HUNK: variants seen among roughly 807,000 people sequenced by gnomAD.
The protein encoded by HUNK is hormonally up-regulated Neu-associated kinase.
Under a neutral mutation model 61.0 loss-of-function variants are expected in HUNK, and 21 were observed. The ratio of observed to expected loss-of-function variants is 0.34; its 90% CI spans 0.24 to 0.50. The LOEUF is 0.50. Ranked by LOEUF, HUNK falls within the 20% of genes least tolerant of loss-of-function variation. The pLI is 0.98. For missense variants in HUNK, 772 were observed against 945.7 expected, an observed-to-expected ratio of 0.82 and a Z score of 2.41; for synonymous variants, 371 against 386.1, an observed-to-expected ratio of 0.96 and a Z score of 0.46.
chr21:31,920,884 G>T lies in HUNK; in HGVS notation c.262-3584G>T, dbSNP rs148090635. ...ATGAGACTCTGGGCTGGGCACGGTG[G>T]CTCATTCCTATAATCCCCGCACTTG... On this transcript the variant is annotated intron_variant, in intron 1 of 10. Coordinates refer to ENST00000270112, the MANE Select transcript of HUNK (RefSeq NM_014586.2). Among the ~76,000 whole-genome samples, 417 of 152,278 alleles carry T rather than the reference G, an allele frequency of 2.7e-3. 5 individuals carry two copies. The highest frequency in any genetic ancestry group is 9.5e-3 in the African/African-American group (394 of 41,562).
At chr21:31,983,260 G>A (rs755072942) in intron 7 of HUNK, among the ~76,000 whole-genome samples, 40 of 152,150 alleles carry the variant, frequency 2.6e-4, no homozygotes, top group Non-Finnish European at 5.0e-4. Flanking sequence ...CCTGCAGGGG[G>A]CAGTGATCTA....
At chr21:31,884,936 C>A (rs1487296441) in intron 1 of HUNK, among the ~76,000 whole-genome samples, 1 of 152,026 alleles carries the variant, frequency 6.6e-6, no homozygotes, top group Non-Finnish European at 1.5e-5. Context: ...TGCCACCACA[C>A]CCGGCTAATT....
intron 5 of HUNK, among the ~76,000 whole-genome samples, chr21:31,965,597 T>TC (rs971300040): frequency 1.5e-4 from 22 of 143,794 alleles, no homozygotes; most frequent in African/African-American, 1.9e-4. Context: ...TGTTTTTCTT[T>TC]TTTTTTTTTT....
chr21:31,918,129 TC>T (rs1310006891), intron 1 of HUNK, among the ~76,000 whole-genome samples: 1 of 152,334 alleles, frequency 6.6e-6, no homozygotes, highest in East Asian at 1.9e-4. Flanking sequence ...TCATTTTTTT[TC>T]CCCATTTCAG....
At chr21:31,926,517 A>T (rs189813877) in intron 2 of HUNK, among the ~76,000 whole-genome samples, 1 of 152,154 alleles carries the variant, frequency 6.6e-6, no homozygotes, top group African/African-American at 2.4e-5. Context: ...CTCTTCCCCC[A>T]GCCCTGGCAA....
chr21:31,976,459 C>CTTTTTTTTTTT (rs34950116), intron 7 of HUNK, among the ~76,000 whole-genome samples: 5 of 63,610 alleles, frequency 7.9e-5, no homozygotes, highest in African/African-American at 1.3e-4. Flanking sequence ...TTTTTTGAGA[C>CTTTTTTTTTTT]TTTTTTTTTT....
At chr21:31,951,024 C>T (rs960593305) in intron 4 of HUNK, among the ~76,000 whole-genome samples, 5 of 151,894 alleles carry the variant, frequency 3.3e-5, no homozygotes, top group Non-Finnish European at 7.4e-5. Flanking sequence ...CAGGACCCTC[C>T]GCTAGTGAAG....
At chr21:31,959,663 C>T (rs2123841675) in intron 5 of HUNK, among the ~76,000 whole-genome samples, 2 of 152,276 alleles carry the variant, frequency 1.3e-5, no homozygotes, top group Middle Eastern at 6.8e-3. Context: ...TTAATTGGCT[C>T]CTTAGAATAA....
chr21:31,920,950 G>C (rs1485771377), intron 1 of HUNK, among the ~76,000 whole-genome samples: 1 of 152,114 alleles, frequency 6.6e-6, no homozygotes, highest in East Asian at 1.9e-4. Flanking sequence ...CCAGGAGTTT[G>C]AGACTAGCCT....
chr21:31,875,953 G>A (rs1473659254), intron 1 of HUNK, among the ~76,000 whole-genome samples: 1 of 152,182 alleles, frequency 6.6e-6, no homozygotes, highest in Non-Finnish European at 1.5e-5. Flanking sequence ...ACTGCCTGGG[G>A]GTGGATTCAG....
intron 4 of HUNK, among the ~76,000 whole-genome samples, chr21:31,949,575 G>GCACACA (rs148673553): frequency 0.035 from 5,296 of 150,582 alleles, 309 homozygotes; most frequent in African/African-American, 0.12. Flanking sequence ...AAGAATTTGT[G>GCACACA]CACACACACA....
chr21:31,873,559 AGGCGGGGCTGGGCCCAG>A lies in HUNK; in HGVS notation c.-110_-94del. ...CCCCGGGCTCTGGGTGCGGAGACCC[AGGCGGGGCTGGGCCCAG>A]GGCGGCGGCGGGAGAAGCCGGGGAA... On this transcript the variant is annotated 5_prime_UTR_variant, in exon 1 of 11. Coordinates refer to ENST00000270112, the MANE Select transcript of HUNK (RefSeq NM_014586.2). This position sits in a 1 kb window ranked among gnomAD's most constrained non-coding sequence, Gnocchi z 6.1. The A allele has an allele frequency of 1.2e-6, 1 of 828,472 alleles. No homozygotes were observed. The highest frequency in any genetic ancestry group is 1.5e-6 in the Non-Finnish European group (1 of 686,888). The allele number at this position is 828,472 out of a possible 1,614,324, so 51.3% of individuals were successfully genotyped here. A position where few individuals can be genotyped will look rare whatever the true frequency, so the allele number is the denominator to read the frequency against.
chr21:31,895,359 A>C (rs1471029313), intron 1 of HUNK, among the ~76,000 whole-genome samples: 2 of 152,174 alleles, frequency 1.3e-5, no homozygotes, highest in African/African-American at 4.8e-5. Flanking sequence ...CCAGTCTGCA[A>C]ATTCGAAGAG....
chr21:31,956,664 C>T (rs1272323140), intron 4 of HUNK, among the ~76,000 whole-genome samples: 1 of 152,184 alleles, frequency 6.6e-6, no homozygotes, highest in Non-Finnish European at 1.5e-5. Flanking sequence ...CCACCTGGCA[C>T]GTGCCCTTCA....
In HUNK at chr21:31,873,127, T is replaced by A. The variant is rs1220959182; in HGVS notation, c.-548T>A. ...ATTCAAACTGAATGGGGCTTTCTTC[T>A]GCTGCCTTCCAGAGGGCGCCGGCAG... On this transcript the variant is annotated 5_prime_UTR_variant, in exon 1 of 11. Transcript: ENST00000270112. This position sits in a 1 kb window ranked among gnomAD's most constrained non-coding sequence, Gnocchi z 6.1. 6.6e-6 allele frequency among the ~76,000 whole-genome samples: 1 copy of A among 152,132 alleles called. No individual in the cohort carries two copies. Among genetic ancestry groups the A allele is most frequent in the Admixed American group, 6.5e-5 (1 of 15,282 alleles).
intron 3 of HUNK, among the ~76,000 whole-genome samples, chr21:31,940,597 T>C (rs1840853246): frequency 1.3e-5 from 2 of 152,232 alleles, no homozygotes; most frequent in Admixed American, 1.3e-4. Flanking sequence ...GCAATTGACC[T>C]TCTCTTTTTA....
intron 4 of HUNK, among the ~76,000 whole-genome samples, chr21:31,957,250 C>A (rs1167673948): frequency 1.3e-5 from 2 of 152,228 alleles, no homozygotes; most frequent in East Asian, 3.9e-4. Flanking sequence ...AGGTCTTTCT[C>A]TGGTCCCCAG....
At chr21:31,889,417 C>T (rs1416340543) in intron 1 of HUNK, among the ~76,000 whole-genome samples, 1 of 152,182 alleles carries the variant, frequency 6.6e-6, no homozygotes, top group East Asian at 1.9e-4. Context: ...TAAGTGTTAT[C>T]ACTTATATAA....
intron 7 of HUNK, 99 bp downstream of exon 7, chr21:31,974,816 C>G: frequency 8.7e-7 from 1 of 1,145,234 alleles, no homozygotes; most frequent in Non-Finnish European, 1.2e-6. Flanking sequence ...ATCCAAGCTG[C>G]TAATTTAATC....
Sources: allele counts gnomAD v4.1 joint callset (sites outside exome capture counted in the v4.1 genomes callset), GRCh38; gene constraint gnomAD v4.1.1; non-coding constraint Gnocchi (gnomAD v3.1); transcripts MANE v1.5; gene names NCBI Gene and HGNC (gene_info 2026-07-23, HGNC 2026-07-21).